Variants in DAP observed in about 807,000 individuals in gnomAD.
The protein encoded by DAP is death-associated protein 1.
A neutral mutation model predicts 13.8 loss-of-function variants in DAP; 8 were observed. The observed-to-expected ratio is 0.58, with a 90% CI of 0.34 to 1.05. The LOEUF is 1.05. DAP is among the 50% of genes least tolerant of loss of function. The pLI is 0.03. For synonymous variants in DAP, 47 were observed against 47.5 expected, an observed-to-expected ratio of 0.99 and a Z score of 0.04; for missense variants, 106 against 133.2, an observed-to-expected ratio of 0.80 and a Z score of 1.01.
At chr5:10,756,448 C>T (rs1191880909) in intron 1 of DAP, among the ~76,000 whole-genome samples, 1 of 152,230 alleles carries the variant, frequency 6.6e-6, no homozygotes, top group Admixed American at 6.5e-5. Flanking sequence ...TTTTGAAAGG[C>T]ATCCTTAACT....
chr5:10,701,560 G>A (rs1196209943), intron 2 of DAP, among the ~76,000 whole-genome samples: 2 of 119,706 alleles, frequency 1.7e-5, no homozygotes, highest in Non-Finnish European at 3.2e-5. Flanking sequence ...TCTTCTATCA[G>A]TTTCTTAAAA....
At chr5:10,741,690 C>T (rs185079019) in intron 2 of DAP, among the ~76,000 whole-genome samples, 10 of 152,302 alleles carry the variant, frequency 6.6e-5, no homozygotes, top group African/African-American at 1.9e-4. Context: ...TTTATTTATT[C>T]CATTTTTGTA....
chr5:10,695,864 G>A (rs1738426452), intron 2 of DAP, among the ~76,000 whole-genome samples: 1 of 151,506 alleles, frequency 6.6e-6, no homozygotes, highest in Non-Finnish European at 1.5e-5. Context: ...ACTTCACAGA[G>A]ATTTTTTTTT....
rs1737969601 is a variant in DAP at position 10,680,895 on chromosome 5, T to C, written c.*161A>G. On this transcript the variant is annotated 3_prime_UTR_variant, in exon 4 of 4. Coordinates refer to ENST00000230895, the MANE Select transcript of DAP (RefSeq NM_004394.3). ...ACAAGGTTTGGGCTGGAGCTGTTTC[T>C]AGTTTTAAATATGGAAATGTAAGGC... 4 of 1,537,284 alleles carry C rather than the reference T, an allele frequency of 2.6e-6. No homozygotes were observed. Among genetic ancestry groups the C allele is most frequent in the Non-Finnish European group, 3.5e-6 (4 of 1,146,990 alleles).
chr5:10,708,040 T>C (rs990818263), intron 2 of DAP, among the ~76,000 whole-genome samples: 2 of 152,214 alleles, frequency 1.3e-5, no homozygotes, highest in African/African-American at 4.8e-5. Context: ...ACTTGAGCAT[T>C]GTTACAACTC....
intron 2 of DAP, among the ~76,000 whole-genome samples, chr5:10,701,784 A>C (rs2126645686): frequency 6.6e-6 from 1 of 152,300 alleles, no homozygotes; most frequent in South Asian, 2.1e-4. Context: ...TGTTATTACT[A>C]GCAGTGCTTT....
At chr5:10,752,928 G>C (rs564437683) in intron 1 of DAP, among the ~76,000 whole-genome samples, 1 of 152,196 alleles carries the variant, frequency 6.6e-6, no homozygotes, top group Non-Finnish European at 1.5e-5. Flanking sequence ...GTACTCAAGA[G>C]AGGCCTCTGG....
At chr5:10,729,717 T>TAG (rs1739388209) in intron 2 of DAP, among the ~76,000 whole-genome samples, 1 of 152,208 alleles carries the variant, frequency 6.6e-6, no homozygotes, top group Admixed American at 6.5e-5. Context: ...GCAGGATCCT[T>TAG]AGCCTCAGGC....
intron 2 of DAP, among the ~76,000 whole-genome samples, chr5:10,718,460 C>T (rs1044551373): frequency 6.6e-6 from 1 of 152,218 alleles, no homozygotes; most frequent in Non-Finnish European, 1.5e-5. Flanking sequence ...AGAGTTGTCT[C>T]TATCTAGGAA....
chr5:10,705,338 A>T (rs1738671280), intron 2 of DAP, among the ~76,000 whole-genome samples: 1 of 152,172 alleles, frequency 6.6e-6, no homozygotes, highest in African/African-American at 2.4e-5. Flanking sequence ...TTTACCTCGG[A>T]GGCTAAATAG....
intron 2 of DAP, among the ~76,000 whole-genome samples, chr5:10,713,018 G>A (rs1490432681): frequency 6.6e-6 from 1 of 152,138 alleles, no homozygotes; most frequent in Non-Finnish European, 1.5e-5. Flanking sequence ...ACTAGGCTGA[G>A]GGAAAACCAA....
In DAP at chr5:10,705,551, C is replaced by T. The variant is rs73044539; in HGVS notation, c.153-21980G>A. Among the ~76,000 whole-genome samples, 232 of 152,362 alleles carry T rather than the reference C, an allele frequency of 1.5e-3. 2 individuals are homozygous for T. The highest frequency in any genetic ancestry group is 5.3e-3 in the African/African-American group (222 of 41,586). ...AGCTGCCTTGTCATTTGTGATGAAA[C>T]AGAAGCAGTTCCATGCAGGGCCACA... On this transcript the variant is annotated intron_variant, in intron 2 of 3. Transcript: ENST00000230895.
intron 2 of DAP, among the ~76,000 whole-genome samples, chr5:10,715,607 T>C (rs151309027): frequency 5.9e-5 from 9 of 152,316 alleles, no homozygotes; most frequent in Non-Finnish European, 1.3e-4. Flanking sequence ...CATTTCTAGG[T>C]ACATAGCACC....
chr5:10,714,443 C>A (rs917889968), intron 2 of DAP, among the ~76,000 whole-genome samples: 1 of 152,082 alleles, frequency 6.6e-6, no homozygotes, highest in African/African-American at 2.4e-5. Context: ...TATCAGGAGA[C>A]CTTGTTATTA....
At chr5:10,712,779 C>T (rs994933751) in intron 2 of DAP, among the ~76,000 whole-genome samples, 1 of 152,156 alleles carries the variant, frequency 6.6e-6, no homozygotes, top group Non-Finnish European at 1.5e-5. Context: ...CTTCTCAGGG[C>T]TTCTGTTATT....
intron 2 of DAP, among the ~76,000 whole-genome samples, chr5:10,722,796 T>C (rs1015728385): frequency 6.6e-6 from 1 of 152,124 alleles, no homozygotes; most frequent in Non-Finnish European, 1.5e-5. Context: ...AACGCCCTTC[T>C]CACACCCACC....
chr5:10,744,922 C>A (rs1204139642), intron 2 of DAP, among the ~76,000 whole-genome samples: 2 of 152,200 alleles, frequency 1.3e-5, no homozygotes, highest in Non-Finnish European at 2.9e-5. Context: ...GGAAAAGTCA[C>A]TTCACTCTCA....
At chr5:10,726,130 G>A (rs990447278) in intron 2 of DAP, among the ~76,000 whole-genome samples, 2 of 152,100 alleles carry the variant, frequency 1.3e-5, no homozygotes, top group Non-Finnish European at 2.9e-5. Flanking sequence ...CAAGTCCCAT[G>A]GAAAAAAATG....
rs747785709 is a variant in DAP at position 10,698,009 on chromosome 5, A to G, written c.153-14438T>C. Among the ~76,000 whole-genome samples the G allele has an allele frequency of 2.6e-5, 4 of 152,168 alleles. No individual in the cohort carries two copies. The South Asian group carries it at 8.3e-4, about 31-fold the overall frequency. ...ACCACGCACAGTGTGGACTCAGGTC[A>G]GGGACACTGCATGATGGACAAGGGC... On this transcript the variant is annotated intron_variant, in intron 2 of 3. Transcript: ENST00000230895.
Sources: allele counts gnomAD v4.1 joint callset (sites outside exome capture counted in the v4.1 genomes callset), GRCh38; gene constraint gnomAD v4.1.1; transcripts MANE v1.5; gene names NCBI Gene and HGNC (gene_info 2026-07-23, HGNC 2026-07-21).